GPHN: variants seen among roughly 807,000 people sequenced by gnomAD.
GPHN encodes the protein gephyrin.
Under a neutral mutation model 95.5 loss-of-function variants are expected in GPHN, and 17 were observed. The observed-to-expected ratio is 0.18, with a 90% CI of 0.12 to 0.27. GPHN has a LOEUF of 0.27. GPHN is among the 10% of genes least tolerant of loss of function. The pLI is 1.00. For synonymous variants in GPHN, 320 were observed against 322.5 expected, an observed-to-expected ratio of 0.99 and a Z score of 0.08; for missense variants, 660 against 978.1, an observed-to-expected ratio of 0.67 and a Z score of 4.34.
At chr14:67,505,077 C>G in the GPHN span, among the ~76,000 whole-genome samples, 4 of 152,080 alleles carry the variant, frequency 2.6e-5, no homozygotes, top group Non-Finnish European at 2.9e-5. Flanking sequence ...GCATCACTTT[C>G]CAGATGAACA....
the GPHN span, among the ~76,000 whole-genome samples, chr14:67,662,070 G>A: frequency 1.1e-4 from 16 of 151,746 alleles, no homozygotes; most frequent in South Asian, 1.0e-3. Flanking sequence ...GCAGGAGAAT[G>A]GTGTGAACCC....
the GPHN span, chr14:67,733,782 A>G: frequency 6.2e-7 from 1 of 1,613,508 alleles, no homozygotes; most frequent in Non-Finnish European, 8.5e-7. Flanking sequence ...CAAGGGCCCG[A>G]AATAACAAAA....
At chr14:66,887,237 T>C (rs1361830454) in intron 5 of GPHN, among the ~76,000 whole-genome samples, 1 of 152,062 alleles carries the variant, frequency 6.6e-6, no homozygotes, top group African/African-American at 2.4e-5. Flanking sequence ...TCTTCTCCCA[T>C]GTAACAGGGG....
intron 8 of GPHN, among the ~76,000 whole-genome samples, chr14:66,952,034 T>G (rs1251034059): frequency 2.6e-5 from 4 of 152,188 alleles, no homozygotes; most frequent in African/African-American, 4.8e-5. Flanking sequence ...TGAAGTAAAA[T>G]TCACATAACA....
intron 12 of GPHN, among the ~76,000 whole-genome samples, chr14:67,092,442 A>G (rs994743527): frequency 6.6e-6 from 1 of 151,532 alleles, no homozygotes; most frequent in Non-Finnish European, 1.5e-5. Context: ...CTCTGCCTTT[A>G]CCTTAGGCCT....
chr14:67,123,880 G>A (rs2079145543), intron 17 of GPHN, among the ~76,000 whole-genome samples: 1 of 151,842 alleles, frequency 6.6e-6, no homozygotes, highest in African/African-American at 2.4e-5. Context: ...TTCTTCTGAT[G>A]TGGCCCAGGA....
At chr14:67,669,436 C>CTT in the GPHN span, among the ~76,000 whole-genome samples, 86 of 144,738 alleles carry the variant, frequency 5.9e-4, no homozygotes, top group African/African-American at 1.7e-3. Context: ...CACTACTCAG[C>CTT]TTTTTTTTTT....
chr14:67,492,680 G>A, the GPHN span, among the ~76,000 whole-genome samples: 10 of 152,216 alleles, frequency 6.6e-5, no homozygotes, highest in Admixed American at 3.3e-4. Context: ...ACAGGACTCC[G>A]CTTTTCACAG....
intron 10 of GPHN, among the ~76,000 whole-genome samples, chr14:67,058,336 T>C (rs531704162): frequency 1.3e-5 from 2 of 152,308 alleles, no homozygotes; most frequent in South Asian, 2.1e-4. Context: ...AGCAACTTTG[T>C]ATATATTTTT....
chr14:67,428,196 G>A, the GPHN span, among the ~76,000 whole-genome samples: 1 of 152,228 alleles, frequency 6.6e-6, no homozygotes, highest in South Asian at 2.1e-4. Flanking sequence ...TGGAATTACA[G>A]GCATGAGCCA....
Position 66,517,747 on chromosome 14 carries a change from A to T in GPHN, c.64+9156A>T, listed in dbSNP as rs191263405. Among the ~76,000 whole-genome samples, 11 of 150,516 alleles carry T rather than the reference A, an allele frequency of 7.3e-5. No individual in the cohort carries two copies. The East Asian group carries it at 1.6e-3, about 21-fold the overall frequency. On this transcript the variant is annotated intron_variant, in intron 1 of 22. Transcript: ENST00000478722. The stretch of plus-strand genomic sequence containing the variant: ...GAAAAAGGATATCCATATGCAGAAG[A>T]ATGAAACTAGAGCCCCACCTCTTAT...
At chr14:66,575,638 C>T (rs970494616) in intron 1 of GPHN, among the ~76,000 whole-genome samples, 13 of 152,176 alleles carry the variant, frequency 8.5e-5, no homozygotes, top group East Asian at 3.9e-4. Flanking sequence ...AGGAGCCTGC[C>T]GGGTGCCCAG....
intron 10 of GPHN, among the ~76,000 whole-genome samples, chr14:67,055,555 T>C (rs1344145368): frequency 1.3e-5 from 2 of 152,228 alleles, no homozygotes; most frequent in Non-Finnish European, 2.9e-5. Context: ...TTACTGGGTA[T>C]ATACCCAAAG....
the GPHN span, chr14:67,269,915 T>A: frequency 6.6e-6 from 1 of 152,282 alleles, no homozygotes; most frequent in Non-Finnish European, 1.5e-5. Context: ...TCCCAGCTGC[T>A]GGTCAAAGGG....
chr14:66,793,085 G>T (rs371657032), intron 3 of GPHN, among the ~76,000 whole-genome samples: 5 of 152,188 alleles, frequency 3.3e-5, no homozygotes, highest in Non-Finnish European at 5.9e-5. Flanking sequence ...ACAACCTTCC[G>T]GCGTGGGCCT....
chr14:67,137,593 G>T (rs1426318337), intron 17 of GPHN, among the ~76,000 whole-genome samples: 1 of 152,180 alleles, frequency 6.6e-6, no homozygotes, highest in South Asian at 2.1e-4. Context: ...GTGAAACCCT[G>T]TCTACAAAAA....
chr14:67,097,584 C>T (rs2077464999), intron 12 of GPHN, among the ~76,000 whole-genome samples: 1 of 152,042 alleles, frequency 6.6e-6, no homozygotes, highest in Non-Finnish European at 1.5e-5. Flanking sequence ...CACACCCCTA[C>T]TTAGCTCTTA....
intron 19 of GPHN, among the ~76,000 whole-genome samples, chr14:67,160,196 C>T (rs1595435269): frequency 6.6e-6 from 1 of 152,152 alleles, no homozygotes; most frequent in East Asian, 1.9e-4. Context: ...GTTGTTGTGC[C>T]ATTGACTTGC....
chr14:66,628,932 G>C (rs1334303879), intron 1 of GPHN, among the ~76,000 whole-genome samples: 6 of 150,336 alleles, frequency 4.0e-5, no homozygotes, highest in African/African-American at 1.2e-4. Flanking sequence ...AGGTGTGTTG[G>C]TGTACCCCTA....
Sources: gnomAD v4.1 joint callset for allele counts (sites outside exome capture counted in the v4.1 genomes callset) on GRCh38, gnomAD v4.1.1 for gene constraint, MANE v1.5 for transcripts, NCBI Gene and HGNC (gene_info 2026-07-23, HGNC 2026-07-21) for gene names.